HIRA: variants seen among roughly 807,000 people sequenced by gnomAD.
The protein encoded by HIRA is histone cell cycle regulator, also known as protein HIRA.
In HIRA, 13 loss-of-function variants were observed where a neutral mutation model predicts 126.6. That is an observed-to-expected ratio of 0.10 (90% CI 0.07 to 0.16). HIRA has a LOEUF of 0.16. Ranked by LOEUF, HIRA falls within the 10% of genes least tolerant of loss-of-function variation. HIRA has a pLI of 1.00. For missense variants in HIRA, 834 were observed against 1,314.4 expected (o/e 0.63, Z 5.65); for synonymous variants, 511 against 520.0 (o/e 0.98, Z 0.24).
intron 13 of HIRA, among the ~76,000 whole-genome samples, chr22:19,379,654 A>ATTT (rs2089053819): frequency 7.5e-6 from 1 of 133,568 alleles, no homozygotes; most frequent in Non-Finnish European, 1.6e-5. Context: ...GAAATACTTG[A>ATTT]TTTCTTTTTT....
At chr22:19,354,472 G>A (rs1259102758) in intron 21 of HIRA, among the ~76,000 whole-genome samples, 1 of 152,198 alleles carries the variant, frequency 6.6e-6, no homozygotes, top group Non-Finnish European at 1.5e-5. Context: ...TCTGCCCACA[G>A]GGCCACATGG....
At chr22:19,334,070 GTTCA>G (rs2088529267) in intron 24 of HIRA, among the ~76,000 whole-genome samples, 1 of 151,684 alleles carries the variant, frequency 6.6e-6, no homozygotes, top group Non-Finnish European at 1.5e-5. Flanking sequence ...CGCCTCCTGG[GTTCA>G]CACCATTCTC....
chr22:19,409,288 C>CTTTCT (rs540302872), intron 2 of HIRA, among the ~76,000 whole-genome samples: 22,346 of 145,390 alleles, frequency 0.15, 3,663 homozygotes, highest in African/African-American at 0.41. Flanking sequence ...GATTTCTTTT[C>CTTTCT]TTTTTTTTTT....
chr22:19,420,040 TTG>T (rs59900884), intron 1 of HIRA, among the ~76,000 whole-genome samples: 21,168 of 146,502 alleles, frequency 0.14, 2,768 homozygotes, highest in African/African-American at 0.36. Context: ...CATACAACCA[TTG>T]TGTGTGTGTG....
chr22:19,335,544 G>C (rs1210696), intron 24 of HIRA, among the ~76,000 whole-genome samples: 147,706 of 152,356 alleles, frequency 0.97, 71,671 homozygotes, highest in African/African-American at 0.99. Context: ...CGCGCCGAAC[G>C]AGAACTTTTT....
At chr22:19,379,833 G>A (rs964722142) in intron 13 of HIRA, among the ~76,000 whole-genome samples, 4 of 151,124 alleles carry the variant, frequency 2.6e-5, no homozygotes, top group Non-Finnish European at 4.4e-5. Flanking sequence ...TTTTTGAGAC[G>A]AAGTCTCGCT....
At chr22:19,363,816 T>G (rs1040454405) in intron 15 of HIRA, among the ~76,000 whole-genome samples, 1 of 152,144 alleles carries the variant, frequency 6.6e-6, no homozygotes, top group African/African-American at 2.4e-5. Flanking sequence ...GAGAATTGCT[T>G]GAACCTGGGA....
intron 15 of HIRA, among the ~76,000 whole-genome samples, chr22:19,370,068 G>A (rs1377513441): frequency 6.6e-6 from 1 of 152,134 alleles, no homozygotes; most frequent in African/African-American, 2.4e-5. Context: ...TCTGCCTCCT[G>A]GGTTCAAGCG....
At chr22:19,368,379 G>A (rs1458554682) in intron 15 of HIRA, among the ~76,000 whole-genome samples, 3 of 152,114 alleles carry the variant, frequency 2.0e-5, no homozygotes, top group Non-Finnish European at 4.4e-5. Context: ...TGTGGGTGTA[G>A]CTTAATATTC....
At chr22:19,347,652 G>A (rs1342835104) in intron 24 of HIRA, among the ~76,000 whole-genome samples, 1 of 152,140 alleles carries the variant, frequency 6.6e-6, no homozygotes, top group Non-Finnish European at 1.5e-5. Flanking sequence ...AAACTTGAGG[G>A]CCTGGGTTGG....
At chr22:19,346,317 G>T (rs2088686209) in intron 24 of HIRA, among the ~76,000 whole-genome samples, 1 of 152,240 alleles carries the variant, frequency 6.6e-6, no homozygotes, top group Non-Finnish European at 1.5e-5. Context: ...TCCAGCCTGG[G>T]TGACAGAGAG....
chr22:19,353,619 G>T, intron 22 of HIRA, 100 bp from the exon 23 acceptor site: 1 of 1,247,154 alleles, frequency 8.0e-7, no homozygotes, highest in South Asian at 1.5e-5. Context: ...CAGGAGGCAG[G>T]CACCAGGGCT....
At chr22:19,364,067 A>G (rs1221598601) in intron 15 of HIRA, among the ~76,000 whole-genome samples, 2 of 151,740 alleles carry the variant, frequency 1.3e-5, no homozygotes, top group African/African-American at 2.4e-5. Context: ...GGGGGATGCT[A>G]TGGGTATGTT....
chr22:19,374,139 C>T (rs1324561915), intron 15 of HIRA, among the ~76,000 whole-genome samples: 3 of 151,894 alleles, frequency 2.0e-5, no homozygotes, highest in Non-Finnish European at 2.9e-5. Flanking sequence ...TTGAGACCAG[C>T]GTGGCCAACA....
rs1199521193 is a variant in HIRA, at chr22:19,351,476, C to T, written c.2849-30G>A. On this transcript the variant is annotated intron_variant, in intron 23 of 24. Coordinates refer to ENST00000263208, the MANE Select transcript of HIRA (RefSeq NM_003325.4). The surrounding 1 kb of genome is among the most constrained non-coding windows in gnomAD (Gnocchi z 4.8). The stretch of plus-strand genomic sequence containing the variant: ...TTACAGAAAAACAAACAAACAACAA[C>T]AACAAAAAACAAAACAGAAATAGGA... The T allele has an allele frequency of 2.0e-6, 3 of 1,481,334 alleles. No homozygotes were observed. Among genetic ancestry groups the T allele is most frequent in the South Asian group, 1.2e-5 (1 of 85,424 alleles). 91.8% of individuals were successfully genotyped at this position (1,481,334 alleles called of 1,614,324 possible).
chr22:19,392,467 C>A (rs2089191071), intron 8 of HIRA, among the ~76,000 whole-genome samples: 2 of 152,224 alleles, frequency 1.3e-5, no homozygotes. Context: ...ACTAGAGCTA[C>A]CAAACTCTCC....
intron 1 of HIRA, among the ~76,000 whole-genome samples, chr22:19,420,424 C>T (rs982150159): frequency 1.2e-4 from 16 of 137,766 alleles, no homozygotes; most frequent in African/African-American, 4.6e-4. Context: ...CGTGATCACG[C>T]CACTGCACTG....
At position 19,331,379 on chromosome 22, in the gene HIRA, A is replaced by G. The variant is rs1226133950; in HGVS notation, c.*61T>C. 6.2e-6 allele frequency: 10 copies of G among 1,609,716 alleles called. No homozygotes were observed. The highest frequency in any genetic ancestry group is 8.5e-6 in the Non-Finnish European group (10 of 1,179,470). ...CTGGTCAGGTGAGAGGCGGTCCTGC[A>G]TGTCATCAGCGGCGAGAGTGTGGCC... On this transcript the variant is annotated 3_prime_UTR_variant, in exon 25 of 25. Coordinates refer to ENST00000263208, the MANE Select transcript of HIRA (RefSeq NM_003325.4).
chr22:19,403,565 T>C (rs899634757), intron 5 of HIRA, among the ~76,000 whole-genome samples: 3 of 152,110 alleles, frequency 2.0e-5, no homozygotes, highest in African/African-American at 7.2e-5. Flanking sequence ...TGAGCTGAGA[T>C]CGTAACACTG....
Sources: gnomAD v4.1 joint callset for allele counts (sites outside exome capture counted in the v4.1 genomes callset) on GRCh38, gnomAD v4.1.1 for gene constraint, Gnocchi (gnomAD v3.1) non-coding constraint, MANE v1.5 for transcripts, NCBI Gene and HGNC (gene_info 2026-07-23, HGNC 2026-07-21) for gene names.